Variants in TLN2 observed in about 807,000 individuals in gnomAD.
The protein encoded by TLN2 is talin 2, also known as talin-2.
In TLN2, 118 loss-of-function variants were observed where a neutral mutation model predicts 294.7. The ratio of observed to expected loss-of-function variants is 0.40; its 90% CI spans 0.34 to 0.47. TLN2 has a LOEUF of 0.47. Among genes scored for constraint, TLN2 ranks in the 20% least tolerant of loss-of-function variants. The pLI, the probability that TLN2 is intolerant of heterozygous loss-of-function variation, is 0.84. For synonymous variants in TLN2, 1,431 were observed against 1,304.5 expected (o/e 1.10, Z -2.09); for missense variants, 3,083 against 3,282.2 (o/e 0.94, Z 1.48).
intron 1 of TLN2, among the ~76,000 whole-genome samples, chr15:62,474,184 A>G (rs1393279766): frequency 2.0e-5 from 3 of 152,210 alleles, no homozygotes; most frequent in South Asian, 2.1e-4. Context: ...TTAATTTAGC[A>G]GGGGTCCTAA....
intron 28 of TLN2, among the ~76,000 whole-genome samples, chr15:62,734,490 C>T (rs1407470765): frequency 6.6e-6 from 1 of 152,208 alleles, no homozygotes; most frequent in African/African-American, 2.4e-5. Context: ...TTAACTACAT[C>T]TGGCGCTTTT....
At chr15:62,783,646 C>T (rs1191537006) in intron 44 of TLN2, 125 bp from the exon 45 acceptor site, 8 of 1,445,170 alleles carry the variant, frequency 5.5e-6, no homozygotes, top group East Asian at 2.5e-5. Context: ...GGCCTTCACC[C>T]CCTCAGGAGC....
intron 50 of TLN2, among the ~76,000 whole-genome samples, chr15:62,803,941 T>C (rs2066100116): frequency 6.6e-6 from 1 of 152,210 alleles, no homozygotes; most frequent in South Asian, 2.1e-4. Context: ...GGGAAGGCTT[T>C]CCAGGTACTC....
At chr15:62,541,076 C>A (rs567750624) in intron 1 of TLN2, among the ~76,000 whole-genome samples, 1 of 152,070 alleles carries the variant, frequency 6.6e-6, no homozygotes, top group Non-Finnish European at 1.5e-5. Context: ...CTTAAATTTT[C>A]GCACGGGGCT....
At chr15:62,599,623 A>G (rs561358448) in intron 2 of TLN2, among the ~76,000 whole-genome samples, 32 of 152,186 alleles carry the variant, frequency 2.1e-4, no homozygotes, top group Non-Finnish European at 3.7e-4. Context: ...AAGCCTTTTT[A>G]CCTGATCCTA....
chr15:62,770,880 C>T (rs1322867409), intron 41 of TLN2, 84 bp from the exon 42 acceptor site: 4 of 1,504,640 alleles, frequency 2.7e-6, no homozygotes, highest in Non-Finnish European at 2.7e-6. Flanking sequence ...TCCTGTTCCC[C>T]TCCCGCGCCT....
At chr15:62,614,107 A>G (rs2048127284) in intron 2 of TLN2, among the ~76,000 whole-genome samples, 1 of 152,212 alleles carries the variant, frequency 6.6e-6, no homozygotes, top group Non-Finnish European at 1.5e-5. Flanking sequence ...AAATATGTAC[A>G]GTTTATTGTA....
Position 62,515,684 on chromosome 15 carries a change from T to G in TLN2, c.-237-74003T>G, listed in dbSNP as rs532564938. 1.4e-4 allele frequency among the ~76,000 whole-genome samples: 22 copies of G among 152,356 alleles called. No individual in the cohort carries two copies. The South Asian group carries it at 4.4e-3, about 30-fold the overall frequency. On this transcript the variant is annotated intron_variant, in intron 1 of 58. Transcript: ENST00000636159. The stretch of plus-strand genomic sequence containing the variant: ...TTTCTAGTTTTTAATTTGATCTTCA[T>G]TTTAAGTGCCTTCTGTGCATGTTGG...
intron 1 of TLN2, among the ~76,000 whole-genome samples, chr15:62,439,507 T>A (rs1014854497): frequency 2.6e-5 from 4 of 152,118 alleles, no homozygotes; most frequent in African/African-American, 7.2e-5. Flanking sequence ...GAGACAGGGT[T>A]TAGTCATGTT....
At chr15:62,434,940 A>C (rs1051093799) in intron 1 of TLN2, among the ~76,000 whole-genome samples, 2 of 151,954 alleles carry the variant, frequency 1.3e-5, no homozygotes, top group African/African-American at 4.8e-5. Context: ...CCAGACCCCA[A>C]AGTGTGTTGT....
intron 2 of TLN2, among the ~76,000 whole-genome samples, chr15:62,605,363 A>G (rs2047345079): frequency 6.6e-6 from 1 of 152,248 alleles, no homozygotes; most frequent in Non-Finnish European, 1.5e-5. Context: ...TTAATAAACT[A>G]GTAAAAGCGA....
intron 1 of TLN2, among the ~76,000 whole-genome samples, chr15:62,576,363 A>C (rs1488421434): frequency 1.3e-5 from 2 of 152,210 alleles, no homozygotes; most frequent in East Asian, 3.9e-4. Flanking sequence ...TGTGAAAAGG[A>C]ATTAGACTCT....
intron 1 of TLN2, among the ~76,000 whole-genome samples, chr15:62,459,992 C>G (rs1248908071): frequency 6.6e-6 from 1 of 152,172 alleles, no homozygotes; most frequent in South Asian, 2.1e-4. Flanking sequence ...TTGTTACTCC[C>G]CCTCTCTGAT....
intron 54 of TLN2, chr15:62,833,090 G>A (rs1352152417): frequency 6.5e-6 from 1 of 152,914 alleles, no homozygotes; most frequent in African/African-American, 2.4e-5. Flanking sequence ...GGCTGCAGGT[G>A]GAGAGGCATC....
chr15:62,712,211 C>T, intron 22 of TLN2, 134 bp downstream of exon 22: 3 of 1,080,940 alleles, frequency 2.8e-6, no homozygotes, highest in South Asian at 3.7e-5. Context: ...CTTGTAACAT[C>T]TAACCCTGTT....
intron 1 of TLN2, among the ~76,000 whole-genome samples, chr15:62,532,350 G>A (rs893939874): frequency 6.6e-6 from 1 of 152,104 alleles, no homozygotes; most frequent in Non-Finnish European, 1.5e-5. Context: ...GCCCACCTTA[G>A]CCTCCCAAAG....
chr15:62,744,934 C>T (rs2140980468), intron 32 of TLN2, among the ~76,000 whole-genome samples: 1 of 152,300 alleles, frequency 6.6e-6, no homozygotes, highest in East Asian at 1.9e-4. Context: ...CCTCCTTTCC[C>T]AGGCGCCTCT....
chr15:62,581,594 T>C (rs2045036361), intron 1 of TLN2, among the ~76,000 whole-genome samples: 1 of 152,206 alleles, frequency 6.6e-6, no homozygotes, highest in Non-Finnish European at 1.5e-5. Flanking sequence ...CAGAGGGGAA[T>C]CTTTTTGTTT....
At chr15:62,805,508 T>A in intron 50 of TLN2, 92 bp from the exon 51 acceptor site, 1 of 1,357,986 alleles carries the variant, frequency 7.4e-7, no homozygotes, top group South Asian at 1.6e-5. Context: ...GGCTCAGTTT[T>A]CAGACACAAG....
Sources: gnomAD v4.1 joint callset for allele counts (sites outside exome capture counted in the v4.1 genomes callset) on GRCh38, gnomAD v4.1.1 for gene constraint, MANE v1.5 for transcripts, NCBI Gene and HGNC (gene_info 2026-07-23, HGNC 2026-07-21) for gene names.